FOXP2: variants seen among roughly 807,000 people sequenced by gnomAD.
The protein encoded by FOXP2 is forkhead box protein P2.
Under a neutral mutation model 115.8 loss-of-function variants are expected in FOXP2, and 12 were observed. The observed-to-expected ratio is 0.10, with a 90% CI of 0.07 to 0.17. The LOEUF is 0.17. FOXP2 is among the 10% of genes least tolerant of loss of function. The pLI is 1.00. For synonymous variants in FOXP2, 328 were observed against 297.7 expected (o/e 1.10, Z -1.05); for missense variants, 629 against 843.5 (o/e 0.75, Z 3.15).
intron 2 of FOXP2, among the ~76,000 whole-genome samples, chr7:114,446,402 A>C (rs1221095807): frequency 1.3e-5 from 2 of 151,996 alleles, no homozygotes; most frequent in Non-Finnish European, 1.5e-5. Context: ...AAACTTATGT[A>C]TAGAGAGTAA....
chr7:114,494,143 TA>T (rs2129246491), intron 2 of FOXP2, among the ~76,000 whole-genome samples: 1 of 152,210 alleles, frequency 6.6e-6, no homozygotes, highest in African/African-American at 2.4e-5. Context: ...GATGTTGCAA[TA>T]ACAAAGTAAA....
At chr7:114,258,745 C>T (rs1042886855) in intron 1 of FOXP2, among the ~76,000 whole-genome samples, 3 of 152,236 alleles carry the variant, frequency 2.0e-5, no homozygotes, top group South Asian at 2.1e-4. Flanking sequence ...ATGCAGAGAA[C>T]TTCTCTGTCT....
chr7:114,123,531 CTTAT>C, intron 1 of FOXP2, among the ~76,000 whole-genome samples: 1 of 151,900 alleles, frequency 6.6e-6, no homozygotes, highest in Non-Finnish European at 1.5e-5. Flanking sequence ...AAATTTAGCA[CTTAT>C]TTAACATAGC....
chr7:114,652,194 T>C lies in FOXP2; in HGVS notation c.1095-9T>C. 1.2e-6 allele frequency: 2 copies of C among 1,612,332 alleles called. No individual in the cohort carries two copies. Among genetic ancestry groups the C allele is most frequent in the Non-Finnish European group, 1.7e-6 (2 of 1,178,774 alleles). On this transcript the variant is annotated splice_polypyrimidine_tract_variant and intron_variant, in intron 8 of 16. Transcript: ENST00000350908. The stretch of plus-strand genomic sequence containing the variant: ...TTTACATTCTGTTTTGTGTCTTCTG[T>C]TTGTTTAGGCACCTTAACAATGAAC...
intron 11 of FOXP2, 85 bp from the exon 12 acceptor site, chr7:114,659,271 T>C (rs1806750004): frequency 1.0e-6 from 1 of 996,526 alleles, no homozygotes; most frequent in Non-Finnish European, 1.6e-6. Flanking sequence ...TGAATCACTT[T>C]ACCAATACTA....
chr7:114,248,204 G>GAGAC (rs764971023), intron 1 of FOXP2, among the ~76,000 whole-genome samples: 2,301 of 151,764 alleles, frequency 0.015, 37 homozygotes, highest in Middle Eastern at 0.031. Context: ...GAGAGAGAGA[G>GAGAC]AGAGAGAGAC....
chr7:114,087,623 G>A (rs1339175609), upstream of FOXP2: 1 of 147,000 alleles, frequency 6.8e-6, no homozygotes, highest in Non-Finnish European at 1.5e-5. Context: ...GCGCACGTGC[G>A]GCGGCGGCGG....
chr7:114,156,617 AATGT>A (rs1792678624), intron 1 of FOXP2, among the ~76,000 whole-genome samples: 2 of 152,096 alleles, frequency 1.3e-5, no homozygotes, highest in Non-Finnish European at 2.9e-5. Flanking sequence ...GTCTCCCTCA[AATGT>A]ATAAAACCAA....
intron 6 of FOXP2, among the ~76,000 whole-genome samples, chr7:114,635,067 T>C (rs1369673913): frequency 6.6e-6 from 1 of 152,172 alleles, no homozygotes; most frequent in Non-Finnish European, 1.5e-5. Flanking sequence ...ATTAACACAT[T>C]ATAGAACTAG....
chr7:114,403,991 A>G (rs1188026342), intron 2 of FOXP2, among the ~76,000 whole-genome samples: 4 of 152,142 alleles, frequency 2.6e-5, no homozygotes, highest in Admixed American at 6.6e-5. Flanking sequence ...GCCCTCCTAA[A>G]GAAGGTGGAC....
intron 2 of FOXP2, among the ~76,000 whole-genome samples, chr7:114,432,388 A>G (rs10255943): frequency 0.8 from 121,098 of 151,894 alleles, 49,227 homozygotes; most frequent in African/African-American, 0.95. Flanking sequence ...GAGGTTTTAC[A>G]CAGCACAGAT....
chr7:114,548,351 C>A (rs1419553433), intron 3 of FOXP2, among the ~76,000 whole-genome samples: 1 of 152,168 alleles, frequency 6.6e-6, no homozygotes, highest in Admixed American at 6.6e-5. Context: ...CATGTTTAGT[C>A]AGGCACTTTG....
chr7:114,174,178 G>C (rs1436571797), intron 1 of FOXP2, among the ~76,000 whole-genome samples: 1 of 151,908 alleles, frequency 6.6e-6, no homozygotes, highest in Non-Finnish European at 1.5e-5. Context: ...GTGTATATAT[G>C]TGTTTGTACT....
chr7:114,542,313 C>A (rs531103494), intron 3 of FOXP2, among the ~76,000 whole-genome samples: 3 of 152,240 alleles, frequency 2.0e-5, no homozygotes, highest in Admixed American at 6.5e-5. Context: ...GATATTCTAA[C>A]ATATCATTTT....
At chr7:114,180,631 TTCTG>T (rs1486987106) in intron 1 of FOXP2, among the ~76,000 whole-genome samples, 2 of 152,026 alleles carry the variant, frequency 1.3e-5, no homozygotes. Context: ...TTATGATATG[TTCTG>T]TCTTAGTGAA....
At chr7:114,264,127 T>TTC (rs1795834606) in intron 1 of FOXP2, among the ~76,000 whole-genome samples, 1 of 152,108 alleles carries the variant, frequency 6.6e-6, no homozygotes, top group Non-Finnish European at 1.5e-5. Context: ...AATACTTATA[T>TTC]TAATATGTTA....
At chr7:114,564,877 T>TC (rs1800928822) in intron 3 of FOXP2, among the ~76,000 whole-genome samples, 1 of 116,010 alleles carries the variant, frequency 8.6e-6, no homozygotes, top group East Asian at 2.7e-4. Flanking sequence ...CAAGGCCCTG[T>TC]CAAAAAAAAA....
At chr7:114,398,125 AAGT>A (rs1416211824) in intron 2 of FOXP2, among the ~76,000 whole-genome samples, 1 of 152,180 alleles carries the variant, frequency 6.6e-6, no homozygotes, top group Non-Finnish European at 1.5e-5. Flanking sequence ...TAATAAAAGA[AAGT>A]AGTCTAAACT....
At chr7:114,632,887 G>A (rs950660052) in intron 6 of FOXP2, among the ~76,000 whole-genome samples, 4 of 151,878 alleles carry the variant, frequency 2.6e-5, no homozygotes, top group Admixed American at 6.6e-5. Context: ...AAATCATAGC[G>A]TCATTATATC....
Sources: allele counts gnomAD v4.1 joint callset (sites outside exome capture counted in the v4.1 genomes callset), GRCh38; gene constraint gnomAD v4.1.1; transcripts MANE v1.5; gene names NCBI Gene and HGNC (gene_info 2026-07-23, HGNC 2026-07-21).